TMEFF2: variants seen among roughly 807,000 people sequenced by gnomAD.
TMEFF2 encodes the protein tomoregulin-2.
TMEFF2 carries 28 observed loss-of-function variants against 53.8 expected under a neutral mutation model. The observed-to-expected ratio is 0.52, with a 90% CI of 0.39 to 0.71. The LOEUF is 0.71. Among genes scored for constraint, TMEFF2 ranks in the 30% least tolerant of loss-of-function variants. TMEFF2 has a pLI of 0.00. For missense variants in TMEFF2, 353 were observed against 455.2 expected (o/e 0.78, Z 2.04); for synonymous variants, 162 against 166.3 (o/e 0.97, Z 0.20).
intron 4 of TMEFF2, among the ~76,000 whole-genome samples, chr2:192,063,079 T>A (rs1391032736): frequency 6.6e-6 from 1 of 151,936 alleles, no homozygotes; most frequent in East Asian, 1.9e-4. Context: ...ATTATATCCT[T>A]GTGCTACATA....
At chr2:192,097,969 G>T (rs36087393) in intron 4 of TMEFF2, among the ~76,000 whole-genome samples, 9,343 of 152,122 alleles carry the variant, frequency 0.061, 334 homozygotes, top group African/African-American at 0.097. Flanking sequence ...AGAAAAGAAA[G>T]GTCACAAGCA....
intron 5 of TMEFF2, among the ~76,000 whole-genome samples, chr2:192,025,018 A>G (rs991354143): frequency 2.0e-5 from 3 of 152,292 alleles, no homozygotes; most frequent in Non-Finnish European, 2.9e-5. Flanking sequence ...ACTGTTGCCT[A>G]TTATAAAGGA....
At chr2:192,006,525 T>C (rs1686505700) in intron 5 of TMEFF2, among the ~76,000 whole-genome samples, 1 of 152,192 alleles carries the variant, frequency 6.6e-6, no homozygotes, top group Non-Finnish European at 1.5e-5. Context: ...ATTAGACCTC[T>C]ATTTAATGAG....
At chr2:192,186,459 C>T (rs1448534092) in intron 2 of TMEFF2, among the ~76,000 whole-genome samples, 1 of 152,130 alleles carries the variant, frequency 6.6e-6, no homozygotes. Flanking sequence ...GATAAATGTG[C>T]TATGATCAGA....
chr2:192,085,899 A>G (rs1405778615), intron 4 of TMEFF2, among the ~76,000 whole-genome samples: 2 of 152,260 alleles, frequency 1.3e-5, no homozygotes, highest in South Asian at 2.1e-4. Flanking sequence ...CAAAGGATAT[A>G]TTCATATAGA....
At chr2:192,047,859 T>G (rs191929227) in intron 5 of TMEFF2, among the ~76,000 whole-genome samples, 4 of 152,312 alleles carry the variant, frequency 2.6e-5, no homozygotes, top group Non-Finnish European at 5.9e-5. Context: ...TGATTTGTAG[T>G]TTAGATGAGT....
At chr2:192,147,518 C>T (rs1350044126) in intron 4 of TMEFF2, among the ~76,000 whole-genome samples, 4 of 150,520 alleles carry the variant, frequency 2.7e-5, no homozygotes, top group South Asian at 2.1e-4. Context: ...GTGTGATGTT[C>T]CCCTTACTGT....
chr2:191,981,709 T>C (rs565687894), intron 7 of TMEFF2, among the ~76,000 whole-genome samples: 49 of 152,332 alleles, frequency 3.2e-4, no homozygotes, highest in African/African-American at 1.1e-3. Context: ...TTAGAGAAGC[T>C]TGGGTGCAGT....
At chr2:191,965,130 G>A (rs1197361146) in intron 7 of TMEFF2, among the ~76,000 whole-genome samples, 5 of 152,070 alleles carry the variant, frequency 3.3e-5, no homozygotes, top group Non-Finnish European at 7.4e-5. Flanking sequence ...AGTCAGCCCA[G>A]ATCAACTTTT....
At chr2:192,024,011 G>A (rs1686915995) in intron 5 of TMEFF2, among the ~76,000 whole-genome samples, 1 of 152,164 alleles carries the variant, frequency 6.6e-6, no homozygotes, top group Non-Finnish European at 1.5e-5. Context: ...GGGGATGAAT[G>A]TGTGACAAAT....
At chr2:192,115,924 T>C (rs916970152) in intron 4 of TMEFF2, among the ~76,000 whole-genome samples, 3 of 151,964 alleles carry the variant, frequency 2.0e-5, no homozygotes, top group African/African-American at 7.2e-5. Flanking sequence ...AAAAATAGTA[T>C]GGTGGTTCCT....
intron 4 of TMEFF2, among the ~76,000 whole-genome samples, chr2:192,079,991 A>G (rs989614254): frequency 2.6e-5 from 4 of 152,184 alleles, no homozygotes; most frequent in African/African-American, 9.6e-5. Context: ...GATAGAATTG[A>G]GGCTGGCAGA....
At chr2:192,046,848 G>C (rs966343942) in intron 5 of TMEFF2, among the ~76,000 whole-genome samples, 3 of 150,794 alleles carry the variant, frequency 2.0e-5, no homozygotes, top group African/African-American at 4.9e-5. Flanking sequence ...CATCATTATT[G>C]ATAATTTGAT....
chr2:191,979,959 AAG>A (rs1685817753), intron 7 of TMEFF2, among the ~76,000 whole-genome samples: 1 of 152,112 alleles, frequency 6.6e-6, no homozygotes, highest in African/African-American at 2.4e-5. Context: ...GAAGAAAGCA[AAG>A]AGATATTAAT....
chr2:192,150,327 G>T (rs1690354287), intron 4 of TMEFF2, among the ~76,000 whole-genome samples: 1 of 151,812 alleles, frequency 6.6e-6, no homozygotes, highest in African/African-American at 2.4e-5. Flanking sequence ...TGTCAGCCAT[G>T]CCCCTAACAA....
chr2:191,996,618 A>C (rs888122881), intron 7 of TMEFF2, among the ~76,000 whole-genome samples: 1 of 151,934 alleles, frequency 6.6e-6, no homozygotes, highest in East Asian at 1.9e-4. Flanking sequence ...CATTCTTGGA[A>C]ACAATACTGC....
chr2:191,950,045 A>G lies in TMEFF2; in HGVS notation c.*266T>C. The G allele has an allele frequency of 5.1e-6, 6 of 1,167,700 alleles. No individual in the cohort carries two copies. Among genetic ancestry groups the G allele is most frequent in the Non-Finnish European group, 5.3e-6 (5 of 937,994 alleles). The allele number at this position is 1,167,700 out of a possible 1,614,324, so 72.3% of individuals were successfully genotyped here. ...TTTCTCATCACTGAGTATTTATTAT[A>G]TATAACAAATACATGGGAAAGAAAA... On this transcript the variant is annotated 3_prime_UTR_variant, in exon 10 of 10. Coordinates refer to ENST00000272771, the MANE Select transcript of TMEFF2 (RefSeq NM_016192.4).
intron 7 of TMEFF2, among the ~76,000 whole-genome samples, chr2:191,982,438 A>T (rs756614066): frequency 2.0e-5 from 3 of 151,914 alleles, no homozygotes; most frequent in Non-Finnish European, 4.4e-5. Context: ...ATCTACATGG[A>T]AATGCCTCAC....
intron 4 of TMEFF2, among the ~76,000 whole-genome samples, chr2:192,098,383 A>G (rs1030191115): frequency 6.6e-6 from 1 of 152,230 alleles, no homozygotes; most frequent in African/African-American, 2.4e-5. Context: ...GCCATTCGGA[A>G]TTAAAATAAT....
Sources: gnomAD v4.1 joint callset for allele counts (sites outside exome capture counted in the v4.1 genomes callset) on GRCh38, gnomAD v4.1.1 for gene constraint, MANE v1.5 for transcripts, NCBI Gene and HGNC (gene_info 2026-07-23, HGNC 2026-07-21) for gene names.